Variants in SLC7A14 observed in about 807,000 individuals in gnomAD.
SLC7A14 encodes the protein gamma-aminobutyric acid transporter SLC7A14.
A neutral mutation model predicts 60.2 loss-of-function variants in SLC7A14; 37 were observed. The ratio of observed to expected loss-of-function variants is 0.61; its 90% CI spans 0.47 to 0.81. The LOEUF (loss-of-function observed/expected upper bound fraction) is 0.81, where lower values mean the gene tolerates loss of function less well. Among genes scored for constraint, SLC7A14 ranks in the 30% least tolerant of loss-of-function variants. The pLI, the probability that SLC7A14 is intolerant of heterozygous loss-of-function variation, is 0.00. For synonymous variants in SLC7A14, 399 were observed against 395.8 expected (o/e 1.01, Z -0.10); for missense variants, 886 against 982.7 (o/e 0.90, Z 1.32).
chr3:170,480,966 C>T lies in SLC7A14; in HGVS notation c.1316G>A (p.Gly439Asp). The T allele has an allele frequency of 6.2e-7, 1 of 1,614,040 alleles. No individual in the cohort carries two copies. Among genetic ancestry groups the T allele is most frequent in the Non-Finnish European group, 8.5e-7 (1 of 1,180,004 alleles). Residue 439 changes from glycine to aspartate, a missense_variant, in exon 7 of 8, where the codon GGT becomes GAT. Transcript: ENST00000231706. ...LRYQPESDID[G>D]FVKFLSEEHT... The stretch of plus-strand genomic sequence containing the variant: ...CTCCTCAGACAAGAACTTGACAAAA[C>T]CATCAATGTCACTCTCAGGTTGGTA...
At chr3:170,573,572 T>C (rs1166033088) in intron 1 of SLC7A14, among the ~76,000 whole-genome samples, 2 of 152,224 alleles carry the variant, frequency 1.3e-5, no homozygotes, top group Admixed American at 1.3e-4. Flanking sequence ...AGGCTATGAG[T>C]TGAGTATTAT....
At chr3:170,524,079 T>C (rs1713420372) in intron 2 of SLC7A14, among the ~76,000 whole-genome samples, 1 of 152,090 alleles carries the variant, frequency 6.6e-6, no homozygotes, top group Non-Finnish European at 1.5e-5. Flanking sequence ...GGTTTTTTCT[T>C]CTTGTGCTTG....
chr3:170,549,618 A>G (rs1402500339), intron 1 of SLC7A14, among the ~76,000 whole-genome samples: 1 of 152,170 alleles, frequency 6.6e-6, no homozygotes, highest in Non-Finnish European at 1.5e-5. Context: ...CCAGTGTGAC[A>G]CTTATGACCG....
chr3:170,480,773 G>A lies in SLC7A14; in HGVS notation c.1509C>T (p.Thr503=). The A allele has an allele frequency of 6.2e-7, 1 of 1,614,204 alleles. No individual in the cohort carries two copies. Among genetic ancestry groups the A allele is most frequent in the African/African-American group, 1.3e-5 (1 of 75,048 alleles). Residue 503 remains threonine (T), a synonymous_variant, in exon 7 of 8, where the codon ACC becomes ACT. Coordinates refer to ENST00000231706, the MANE Select transcript of SLC7A14 (RefSeq NM_020949.3). The part of the protein sequence containing the change: ...EMLIGKSDKS[T]YNVNHPNYGT... ...CGTAATTGGGGTGGTTGACGTTGTA[G>A]GTTGACTTGTCTGATTTCCCTATGA...
chr3:170,547,556 A>G (rs904135865), intron 1 of SLC7A14, among the ~76,000 whole-genome samples: 1 of 152,122 alleles, frequency 6.6e-6, no homozygotes, highest in African/African-American at 2.4e-5. Flanking sequence ...TAGAAAATAT[A>G]TTTTCTATTC....
intron 2 of SLC7A14, among the ~76,000 whole-genome samples, chr3:170,510,153 G>A (rs987669062): frequency 5.9e-5 from 9 of 151,492 alleles, no homozygotes; most frequent in Non-Finnish European, 2.9e-5. Context: ...ACTTTGGGAG[G>A]CTGAGGCAGG....
chr3:170,480,841 A>G lies in SLC7A14; in HGVS notation c.1441T>C (p.Cys481Arg). ...AAGGATGGTAAGTTCTTGGCCCCAC[A>G]TGTGTTGGTGGCTGGGCCAGAAAAC... ...DEFSGPATNT[C>R]GAKNLPSLGD... Residue 481 changes from cysteine to arginine, a missense_variant, in exon 7 of 8, where the codon TGT becomes CGT. Physicochemically the swap from Cys to Arg is radical, Grantham distance 180. Coordinates refer to ENST00000231706, the MANE Select transcript of SLC7A14 (RefSeq NM_020949.3). 1 of 1,613,834 alleles carries G rather than the reference A, an allele frequency of 6.2e-7. No individual in the cohort carries two copies. The highest frequency in any genetic ancestry group is 8.5e-7 in the Non-Finnish European group (1 of 1,179,886).
At chr3:170,545,460 G>A (rs1353202610) in intron 1 of SLC7A14, among the ~76,000 whole-genome samples, 4 of 152,220 alleles carry the variant, frequency 2.6e-5, no homozygotes, top group African/African-American at 9.6e-5. Context: ...TGCTACATGT[G>A]TGGATGATGT....
chr3:170,567,503 T>C (rs1260357914), intron 1 of SLC7A14, among the ~76,000 whole-genome samples: 1 of 152,030 alleles, frequency 6.6e-6, no homozygotes, highest in Non-Finnish European at 1.5e-5. Flanking sequence ...GCATGATTTA[T>C]AGGCCTTTGG....
At chr3:170,496,313 C>A (rs1712390981) in intron 4 of SLC7A14, 3 of 1,033,988 alleles carry the variant, frequency 2.9e-6, no homozygotes, top group Non-Finnish European at 4.6e-6. Context: ...CGCTGGCTGG[C>A]AAGCACGGGG....
intron 1 of SLC7A14, among the ~76,000 whole-genome samples, chr3:170,584,668 T>G (rs1215031481): frequency 6.6e-6 from 1 of 152,194 alleles, no homozygotes; most frequent in Non-Finnish European, 1.5e-5. Flanking sequence ...GCAGGGAATG[T>G]GGGCCCTGGC....
At chr3:170,584,170 G>A (rs1426763613) in intron 1 of SLC7A14, among the ~76,000 whole-genome samples, 1 of 152,122 alleles carries the variant, frequency 6.6e-6, no homozygotes, top group African/African-American at 2.4e-5. Flanking sequence ...TCCCCAAATT[G>A]GCTCAATCCT....
chr3:170,469,855 T>TTGCCCCAAACGTCTCTCCTC (rs1203596107), intron 7 of SLC7A14, among the ~76,000 whole-genome samples: 2 of 152,084 alleles, frequency 1.3e-5, no homozygotes, highest in Non-Finnish European at 1.5e-5. Flanking sequence ...TCTTTTCCCT[T>TTGCCCCAAACGTCTCTCCTC]TGCCCCAAAC....
rs886161158 is a variant in SLC7A14 at position 170,481,983 on chromosome 3, A to T, written c.1116-817T>A. ...ATCATAGTAGGGTGAGGCCTAGCAA[A>T]CTGCTTTAAAAGACCTCCAGAGGAT... On this transcript the variant is annotated intron_variant, in intron 6 of 7. Transcript: ENST00000231706. Among the ~76,000 whole-genome samples, 12 of 152,338 alleles carry T rather than the reference A, an allele frequency of 7.9e-5. No individual in the cohort carries two copies. In the East Asian group the frequency reaches 2.3e-3, roughly 29 times the overall value.
Position 170,480,731 on chromosome 3 carries a change from G to A in SLC7A14, c.1551C>T (p.Thr517=), listed in dbSNP as rs1228475955. ...NHPNYGTVDM[T]TGIEADESEN... is the part of the protein sequence containing the mutation. ...CGGATTCATCAGCTTCTATGCCTGT[G>A]GTCATGTCCACGGTGCCGTAATTGG... The change falls in exon 7 of 8, where the codon ACC becomes ACT. Residue 517 remains threonine, a synonymous_variant. Transcript: ENST00000231706. 3 of 1,614,074 alleles carry A rather than the reference G, an allele frequency of 1.9e-6. No homozygotes were observed. In the Admixed American group the frequency reaches 5.0e-5, roughly 27 times the overall value.
chr3:170,579,063 C>A (rs1715171061), intron 1 of SLC7A14, among the ~76,000 whole-genome samples: 1 of 152,194 alleles, frequency 6.6e-6, no homozygotes, highest in Non-Finnish European at 1.5e-5. Flanking sequence ...CTTTCCTACT[C>A]CCTGAATCTT....
chr3:170,572,060 C>CAAAAAAAA (rs765897392), intron 1 of SLC7A14, among the ~76,000 whole-genome samples: 7 of 80,424 alleles, frequency 8.7e-5, no homozygotes, highest in East Asian at 3.5e-4. Context: ...GACTCTGTCT[C>CAAAAAAAA]AAAAAAAAAA....
At chr3:170,528,163 A>G (rs956784909) in intron 1 of SLC7A14, among the ~76,000 whole-genome samples, 9 of 152,270 alleles carry the variant, frequency 5.9e-5, no homozygotes, top group Admixed American at 4.6e-4. Context: ...ACACTGAAAT[A>G]TGTTGTATAT....
intron 1 of SLC7A14, among the ~76,000 whole-genome samples, chr3:170,551,680 G>T (rs945948476): frequency 2.0e-5 from 3 of 152,128 alleles, no homozygotes; most frequent in African/African-American, 7.2e-5. Context: ...TCGGCCATTT[G>T]TACATACCTT....
Sources: gnomAD v4.1 joint callset for allele counts (sites outside exome capture counted in the v4.1 genomes callset) on GRCh38, gnomAD v4.1.1 for gene constraint, MANE v1.5 for transcripts, NCBI Gene and HGNC (gene_info 2026-07-23, HGNC 2026-07-21) for gene names.